Variants in PTPRA observed in about 807,000 individuals in gnomAD.
PTPRA encodes the protein receptor-type tyrosine-protein phosphatase alpha.
In PTPRA, 25 loss-of-function variants were observed where a neutral mutation model predicts 104.8. That is an observed-to-expected ratio of 0.24 (90% CI 0.17 to 0.33). PTPRA has a LOEUF of 0.33. Ranked by LOEUF, PTPRA falls within the 10% of genes least tolerant of loss-of-function variation. The pLI is 1.00. For synonymous variants in PTPRA, 323 were observed against 368.9 expected, an observed-to-expected ratio of 0.88 and a Z score of 1.43; for missense variants, 765 against 1,015.3, an observed-to-expected ratio of 0.75 and a Z score of 3.35.
chr20:3,023,753 G>T (rs189710612), intron 16 of PTPRA, among the ~76,000 whole-genome samples: 2 of 152,268 alleles, frequency 1.3e-5, no homozygotes, highest in Admixed American at 1.3e-4. Flanking sequence ...GAGTGCTGGC[G>T]CATGTCCTCC....
chr20:2,902,705 T>A (rs1477424480), intron 1 of PTPRA, among the ~76,000 whole-genome samples: 2 of 152,210 alleles, frequency 1.3e-5, no homozygotes, highest in Non-Finnish European at 2.9e-5. Context: ...ACAATTGGTT[T>A]GTTTCTTTTT....
chr20:2,908,997 T>TG (rs1479583274), intron 1 of PTPRA, among the ~76,000 whole-genome samples: 6 of 152,162 alleles, frequency 3.9e-5, no homozygotes, highest in Non-Finnish European at 8.8e-5. Context: ...TGAGCAGCAG[T>TG]GGAAAGCTAT....
At chr20:2,949,559 C>T (rs1294089497) in intron 3 of PTPRA, among the ~76,000 whole-genome samples, 1 of 152,022 alleles carries the variant, frequency 6.6e-6, no homozygotes, top group African/African-American at 2.4e-5. Context: ...TCCCAAAGTG[C>T]CATTACAGTG....
chr20:2,966,667 C>A (rs1029785973), intron 5 of PTPRA, among the ~76,000 whole-genome samples: 7 of 152,066 alleles, frequency 4.6e-5, no homozygotes, highest in Non-Finnish European at 7.4e-5. Context: ...CTAGAATAAT[C>A]CTATGAATTA....
At chr20:2,948,138 G>A (rs2061207238) in intron 3 of PTPRA, 114 bp downstream of exon 3, 2 of 443,788 alleles carry the variant, frequency 4.5e-6, no homozygotes, top group South Asian at 3.8e-5. Context: ...TGGGGTGGGG[G>A]TGCATAGTAA....
intron 1 of PTPRA, among the ~76,000 whole-genome samples, chr20:2,890,009 G>A (rs779759675): frequency 6.6e-6 from 1 of 151,528 alleles, no homozygotes; most frequent in African/African-American, 2.4e-5. Flanking sequence ...TCAGCCTCCT[G>A]AGTAAGTAGC....
intron 5 of PTPRA, among the ~76,000 whole-genome samples, chr20:2,973,405 T>C (rs539970831): frequency 1.3e-5 from 2 of 152,320 alleles, no homozygotes; most frequent in East Asian, 3.9e-4. Flanking sequence ...CATAGGTGTT[T>C]CTATAGGCAG....
At chr20:2,920,800 G>A (rs906505142) in intron 1 of PTPRA, among the ~76,000 whole-genome samples, 1 of 151,632 alleles carries the variant, frequency 6.6e-6, no homozygotes, top group Non-Finnish European at 1.5e-5. Context: ...TGATGGCTGG[G>A]ATGGGGGGCA....
upstream of PTPRA, among the ~76,000 whole-genome samples, chr20:2,870,621 T>C (rs1000528978): frequency 1.3e-5 from 2 of 152,236 alleles, no homozygotes; most frequent in African/African-American, 4.8e-5. Flanking sequence ...AATAAGTATT[T>C]GTTGCGAGAA....
chr20:2,896,415 C>T (rs149723292), intron 1 of PTPRA, among the ~76,000 whole-genome samples: 20 of 152,090 alleles, frequency 1.3e-4, no homozygotes, highest in South Asian at 2.1e-4. Context: ...AACACACACA[C>T]GCAAAGAATA....
intron 3 of PTPRA, among the ~76,000 whole-genome samples, chr20:2,963,339 C>T (rs902022463): frequency 2.6e-5 from 4 of 152,146 alleles, no homozygotes; most frequent in Non-Finnish European, 5.9e-5. Context: ...TGATGACTCA[C>T]GCCTGTAATC....
In PTPRA at chr20:2,873,855, C is replaced by T. The variant is rs993077988; in HGVS notation, c.-129+95C>T. On this transcript the variant is annotated intron_variant, in intron 1 of 23. Coordinates refer to ENST00000399903, the MANE Select transcript of PTPRA (RefSeq NM_001385305.1). The surrounding 1 kb of genome is among the most constrained non-coding windows in gnomAD (Gnocchi z 4.4). ...GGGTCCCGGGCCACAGCCCAGAGCC[C>T]GGAGCCCGAAGCCCTAAGCCATCTT... The T allele has an allele frequency of 2.6e-5, 4 of 152,122 alleles. No homozygotes were observed. Among genetic ancestry groups the T allele is most frequent in the South Asian group, 2.1e-4 (1 of 4,832 alleles). The allele number at this position is 152,122 out of a possible 1,614,324, so 9.4% of individuals were successfully genotyped here.
At position 3,021,400 on chromosome 20, in the gene PTPRA, A is replaced by T. The variant is rs1468753557; in HGVS notation, c.1133A>T (p.Tyr378Phe). 6.2e-7 allele frequency: 1 copy of T among 1,614,092 alleles called. No homozygotes were observed. The highest frequency in any genetic ancestry group is 8.5e-7 in the Non-Finnish European group (1 of 1,179,960). ...SVEDVTVLVD[Y>F]TVRKFCIQQV... The stretch of plus-strand genomic sequence containing the variant: ...GAGGATGTGACTGTCCTGGTGGACT[A>T]CACAGTACGGAAGTTCTGCATCCAG... The change falls in exon 14 of 24, where the codon TAC becomes TTC. Residue 378 changes from tyrosine to phenylalanine, a missense_variant. Physicochemically the swap from Tyr to Phe is conservative, Grantham distance 22. Around this residue, in one of 4 missense-constraint regions of PTPRA, gnomAD observed 245 missense variants for 398.7 expected, o/e 0.61. Transcript: ENST00000399903.
At chr20:2,918,925 A>G (rs1311437881) in intron 1 of PTPRA, among the ~76,000 whole-genome samples, 2 of 152,196 alleles carry the variant, frequency 1.3e-5, no homozygotes, top group African/African-American at 2.4e-5. Context: ...CATTGGTAGT[A>G]TCTTCAAAAT....
chr20:3,000,081 C>CCTGGCCT (rs2063562925), intron 9 of PTPRA, among the ~76,000 whole-genome samples: 1 of 151,884 alleles, frequency 6.6e-6, no homozygotes, highest in Non-Finnish European at 1.5e-5. Flanking sequence ...GTCAGGAGTT[C>CCTGGCCT]GAGACCAGCC....
chr20:2,865,312 C>G, the PTPRA span: 1 of 1,614,182 alleles, frequency 6.2e-7, no homozygotes, highest in Non-Finnish European at 8.5e-7. This position sits in a 1 kb window ranked among gnomAD's most constrained non-coding sequence, Gnocchi z 5.2. Flanking sequence ...GCATCCCTGA[C>G]AAGAGGTAGG....
At position 2,953,614 on chromosome 20, in the gene PTPRA, T is replaced by G. The variant is rs558579071; in HGVS notation, c.-7+5590T>G. On this transcript the variant is annotated intron_variant, in intron 3 of 23. Coordinates refer to ENST00000399903, the MANE Select transcript of PTPRA (RefSeq NM_001385305.1). ...ATGAAATAGGTTTTTTGGTGTTTTG[T>G]TTTTTTTTTTTGAGACAGAATCTTG... 3.5e-3 allele frequency among the ~76,000 whole-genome samples: 494 copies of G among 140,818 alleles called. 4 individuals are homozygous for G. Among genetic ancestry groups the G allele is most frequent in the African/African-American group, 0.012 (471 of 37,692 alleles). The allele number at this position is 140,818 out of a possible 152,430, so 92.4% of individuals were successfully genotyped here.
chr20:2,866,210 A>G, the PTPRA span: 4 of 1,613,942 alleles, frequency 2.5e-6, no homozygotes, highest in African/African-American at 2.7e-5. Context: ...CTCTCCTCCA[A>G]GCCTTTTGTG....
intron 6 of PTPRA, among the ~76,000 whole-genome samples, chr20:2,980,207 C>T (rs1052549474): frequency 2.6e-5 from 4 of 152,030 alleles, no homozygotes; most frequent in African/African-American, 7.2e-5. Flanking sequence ...CCACCATGCC[C>T]GGCCAGTTTT....
Sources: allele counts gnomAD v4.1 joint callset (sites outside exome capture counted in the v4.1 genomes callset), GRCh38; gene constraint gnomAD v4.1.1; regional missense constraint gnomAD v4.1.1; non-coding constraint Gnocchi (gnomAD v3.1); transcripts MANE v1.5; gene names NCBI Gene and HGNC (gene_info 2026-07-23, HGNC 2026-07-21).